CRNN: variants seen among roughly 807,000 people sequenced by gnomAD.
The protein encoded by CRNN is 53 kDa putative calcium-binding protein.
In CRNN, 39 loss-of-function variants were observed where a neutral mutation model predicts 44.7. The observed-to-expected ratio is 0.87, with a 90% CI of 0.68 to 1.14. The LOEUF (loss-of-function observed/expected upper bound fraction) is 1.14. Among genes scored for constraint, CRNN ranks in the 50% most tolerant of loss-of-function variants. The pLI, the probability that CRNN is intolerant of heterozygous loss-of-function variation, is 0.00. For synonymous variants in CRNN, 240 were observed against 231.8 expected (o/e 1.04, Z -0.32); for missense variants, 606 against 605.1 (o/e 1.00, Z -0.02).
At position 152,411,859 on chromosome 1, in the gene CRNN, G is replaced by T. The variant is rs565178625; in HGVS notation, c.138+237C>A. On this transcript the variant is annotated intron_variant, in intron 2 of 2. Transcript: ENST00000271835. ...TGTCCTTTTAGAGCCCTTTTACCTT[G>T]TCTTTAAGTTAGAATTAATTAAAAC... 2.0e-5 allele frequency among the ~76,000 whole-genome samples: 3 copies of T among 152,230 alleles called. No homozygotes were observed. In the East Asian group the frequency reaches 5.8e-4, roughly 29 times the overall value.
Position 152,409,646 on chromosome 1 carries a change from C to G in CRNN, c.1436G>C (p.Arg479Pro). 2 of 1,614,046 alleles carry G rather than the reference C, an allele frequency of 1.2e-6. No homozygotes were observed. Among genetic ancestry groups the G allele is most frequent in the South Asian group, 2.2e-5 (2 of 91,058 alleles). ...GQDAAQSEEK[R>P]GITARELYSY... ...ATACAGCTCTCTAGCTGTGATGCCTCGCTTCTCTTCTGACTGGGCTGCATC... is the reference window on the plus strand; with the variant it reads ...ATACAGCTCTCTAGCTGTGATGCCTGGCTTCTCTTCTGACTGGGCTGCATC... Residue 479 changes from arginine to proline, a missense_variant, in exon 3 of 3, where the codon CGA becomes CCA. Physicochemically the swap from Arg to Pro is moderately radical, Grantham distance 103 (BLOSUM62 -2). Coordinates refer to ENST00000271835, the MANE Select transcript of CRNN (RefSeq NM_016190.3).
At chr1:152,411,251 T>C (rs933765054) in intron 2 of CRNN, among the ~76,000 whole-genome samples, 1 of 152,226 alleles carries the variant, frequency 6.6e-6, no homozygotes, top group African/African-American at 2.4e-5. Flanking sequence ...GGCTCTCAAG[T>C]TGACTGTCTG....
rs1655722232 is a variant in CRNN, at chr1:152,410,516, G to T, written c.566C>A (p.Thr189Lys). Residue 189 changes from threonine to lysine, a missense_variant, in exon 3 of 3, where the codon ACA (threonine) becomes AAA (lysine). Coordinates refer to ENST00000271835, the MANE Select transcript of CRNN (RefSeq NM_016190.3). ...TTCTCCAGCTTTCTGGGTCTGCTCT[G>T]TCTGCCCAGAGAGTTGTATCTGCGG... ...ISPQIQLSGQ[T>K]EQTQKAGEGK... 1.2e-6 allele frequency: 2 copies of T among 1,614,004 alleles called. No individual in the cohort carries two copies. Among genetic ancestry groups the T allele is most frequent in the African/African-American group, 2.7e-5 (2 of 74,904 alleles).
rs1264005582 is a variant in CRNN, at chr1:152,409,310, A to G, written c.*284T>C. 13 of 427,304 alleles carry G rather than the reference A, an allele frequency of 3.0e-5. No homozygotes were observed. The highest frequency in any genetic ancestry group is 4.1e-6 in the Non-Finnish European group (1 of 242,804). 26.5% of individuals were successfully genotyped at this position (427,304 alleles called of 1,614,324 possible). A position where few individuals can be genotyped will look rare whatever the true frequency, so the allele number is the denominator to read the frequency against. On this transcript the variant is annotated 3_prime_UTR_variant, in exon 3 of 3. Transcript: ENST00000271835. ...CAATAGAGAGATGTCAGAGATAAAA[A>G]TAGTCCTGAAACCCCCCACAAGATG...
Position 152,410,896 on chromosome 1 carries a change from A to G in CRNN, c.186T>C (p.Asp62=), listed in dbSNP as rs114992787. The G allele has an allele frequency of 1.2e-6, 2 of 1,613,962 alleles. No individual in the cohort carries two copies. The highest frequency in any genetic ancestry group is 1.7e-5 in the Admixed American group (1 of 60,012). ...ATTCCACAGTCCCTGTGTGGTCTTCATCCAGCAGACGCAGGACCTCATCCA... is the reference window on the plus strand; with the variant it reads ...ATTCCACAGTCCCTGTGTGGTCTTCGTCCAGCAGACGCAGGACCTCATCCA... ...ATVDEVLRLL[D]EDHTGTVEFK... is the part of the protein sequence containing the mutation. Residue 62 remains aspartate (D), a synonymous_variant, in exon 3 of 3, where the codon GAT becomes GAC. Transcript: ENST00000271835.
rs761483852 is a variant in CRNN at position 152,410,834 on chromosome 1, T to C, written c.248A>G (p.Gln83Arg). The C allele has an allele frequency of 2.1e-5, 34 of 1,614,108 alleles. No individual in the cohort carries two copies. Among genetic ancestry groups the C allele is most frequent in the Admixed American group, 8.3e-5 (5 of 60,016 alleles). ...CTCGCTCAGTGTCTTGAAACAGGCCTGGGCAACTTTAAACACTAAGACCAG... is the reference window on the plus strand; with the variant it reads ...CTCGCTCAGTGTCTTGAAACAGGCCCGGGCAACTTTAAACACTAAGACCAG... ...EFLVLVFKVA[Q>R]ACFKTLSESA... Residue 83 changes from glutamine (Q) to arginine (R), a missense_variant, in exon 3 of 3, where the codon CAG becomes CGG. Gln to Arg is a conservative substitution (Grantham distance 43, BLOSUM62 1). Coordinates refer to ENST00000271835, the MANE Select transcript of CRNN (RefSeq NM_016190.3).
chr1:152,412,591 C>A (rs189135639), intron 1 of CRNN, among the ~76,000 whole-genome samples: 1 of 152,322 alleles, frequency 6.6e-6, no homozygotes, highest in Admixed American at 6.5e-5. Context: ...TCATAAAAAG[C>A]ACTTGGCAGA....
chr1:152,410,213 T>C lies in CRNN; in HGVS notation c.869A>G (p.Gln290Arg), dbSNP rs763924891. The C allele has an allele frequency of 6.2e-7, 1 of 1,613,410 alleles. No homozygotes were observed. Among genetic ancestry groups the C allele is most frequent in the South Asian group, 1.1e-5 (1 of 91,014 alleles). The change falls in exon 3 of 3, where the codon CAG becomes CGG. Residue 290 changes from glutamine (Q) to arginine (R), a missense_variant. Coordinates refer to ENST00000271835, the MANE Select transcript of CRNN (RefSeq NM_016190.3). ...QAVTGGHAQI[Q>R]AGTHTQTPTQ... ...GGGTGTCTGGGTGTGTGTCCCTGCC[T>C]GTATCTGAGCATGTCCTCCTGTCAC...
rs963899483 is a variant in CRNN at position 152,412,024 on chromosome 1, A to G, written c.138+72T>C. On this transcript the variant is annotated intron_variant, in intron 2 of 2. Transcript: ENST00000271835. ...TGCTGCCTCCTCAAATTCCCCAGGC[A>G]AGGCCTCTGCAGGCAAACCAGGTTT... 51 of 1,436,978 alleles carry G rather than the reference A, an allele frequency of 3.5e-5. 1 individual carries two copies. The Admixed American group carries it at 7.2e-4, about 20-fold the overall frequency. The allele number at this position is 1,436,978 out of a possible 1,614,324, so 89.0% of individuals were successfully genotyped here. A position where few individuals can be genotyped will look rare whatever the true frequency, so the allele number is the denominator to read the frequency against.
intron 2 of CRNN, among the ~76,000 whole-genome samples, 195 bp from the exon 3 acceptor site, chr1:152,411,138 T>G (rs1392099319): frequency 6.6e-6 from 1 of 152,184 alleles, no homozygotes; most frequent in African/African-American, 2.4e-5. Context: ...GAGCATTTTT[T>G]GTTTGGTAGC....
chr1:152,410,981 T>TGAG (rs1557915402), intron 2 of CRNN, 38 bp from the exon 3 acceptor site: 3 of 1,560,842 alleles, frequency 1.9e-6, no homozygotes, highest in Non-Finnish European at 2.6e-6. Flanking sequence ...ATCCCTCCCC[T>TGAG]GAGGAGGACA....
rs775046138 is a variant in CRNN, at chr1:152,410,791, G to A, written c.291C>T (p.Cys97=). The A allele has an allele frequency of 6.7e-5, 108 of 1,614,054 alleles. No homozygotes were observed. Among genetic ancestry groups the A allele is most frequent in the Non-Finnish European group, 8.6e-5 (102 of 1,180,034 alleles). ...KTLSESAEGA[C]GSQESGSLHS... is the part of the protein sequence containing the mutation. ...GGAGGCTTCCAGACTCTTGAGAGCC[G>A]CAGGCTCCCTCAGCACTCTCGCTCA... Residue 97 remains cysteine (C), a synonymous_variant, in exon 3 of 3, where the codon TGC becomes TGT. Coordinates refer to ENST00000271835, the MANE Select transcript of CRNN (RefSeq NM_016190.3).
rs1382257162 is a variant in CRNN at position 152,409,934 on chromosome 1, CT to C, written c.1147del (p.Ser383ValfsTer8). 1 of 1,614,084 alleles carries C rather than the reference CT, an allele frequency of 6.2e-7. No individual in the cohort carries two copies. Among genetic ancestry groups the C allele is most frequent in the Non-Finnish European group, 8.5e-7 (1 of 1,180,050 alleles). On this transcript the variant is annotated frameshift_variant, in exon 3 of 3. Transcript: ENST00000271835. LOFTEE classifies it high-confidence loss of function. ...EQGQTQTQPG[S>X]GQRWMQVSNP... Reference sequence around the variant, plus strand: ...GCTCACTTGCATCCATCTTTGACCACTGCCTGGCTGCGTCTGGGTCTGTCCC... The same window carrying C: ...GCTCACTTGCATCCATCTTTGACCACGCCTGGCTGCGTCTGGGTCTGTCCC...
At chr1:152,411,652 C>T (rs7554630) in intron 2 of CRNN, among the ~76,000 whole-genome samples, 1,840 of 152,266 alleles carry the variant, frequency 0.012, 52 homozygotes, top group African/African-American at 0.042. Context: ...GATCAGTCTG[C>T]TAATATTTTT....
In CRNN at chr1:152,410,873, T is replaced by G; in HGVS notation, c.209A>C (p.Glu70Ala). The change falls in exon 3 of 3, where the codon GAA (glutamate) becomes GCA (alanine). Residue 70 changes from glutamate to alanine, a missense_variant. Coordinates refer to ENST00000271835, the MANE Select transcript of CRNN (RefSeq NM_016190.3). ...CACTAAGACCAGGAATTCCTTGAAT[T>G]CCACAGTCCCTGTGTGGTCTTCATC... is the stretch of plus-strand genomic sequence containing the variant. The part of the protein sequence containing the change: ...LLDEDHTGTV[E>A]FKEFLVLVFK... The G allele has an allele frequency of 6.2e-7, 1 of 1,614,192 alleles. No homozygotes were observed. The highest frequency in any genetic ancestry group is 8.5e-7 in the Non-Finnish European group (1 of 1,180,022).
At chr1:152,411,236 G>A (rs1265443559) in intron 2 of CRNN, among the ~76,000 whole-genome samples, 1 of 152,218 alleles carries the variant, frequency 6.6e-6, no homozygotes, top group African/African-American at 2.4e-5. Flanking sequence ...CAATGCAACT[G>A]TTTGGGCTCT....
In CRNN at chr1:152,412,219, CAG is replaced by C. The variant is rs1341811457; in HGVS notation, c.13_14del (p.Leu5AlafsTer4). On this transcript the variant is annotated frameshift_variant, in exon 2 of 3. Transcript: ENST00000271835. LOFTEE classifies it high-confidence loss of function. ...CCTCGATGATCCCATTAATGTTTTG[CAG>C]TAACTGAGGCATCTTTGAAGTCAAC... Reference protein sequence around the residue: MPQLLQNINGIIEAF... With the variant: MPQLXQNINGIIEAF... 3 of 1,609,670 alleles carry C rather than the reference CAG, an allele frequency of 1.9e-6. No homozygotes were observed. Among genetic ancestry groups the C allele is most frequent in the Non-Finnish European group, 2.6e-6 (3 of 1,176,454 alleles).
chr1:152,409,771 C>G lies in CRNN; in HGVS notation c.1311G>C (p.Val437=), dbSNP rs1434483695. 2 of 1,614,226 alleles carry G rather than the reference C, an allele frequency of 1.2e-6. No individual in the cohort carries two copies. The highest frequency in any genetic ancestry group is 3.3e-5 in the Admixed American group (2 of 60,028). Residue 437 remains valine (V), a synonymous_variant, in exon 3 of 3, where the codon GTG becomes GTC. Coordinates refer to ENST00000271835, the MANE Select transcript of CRNN (RefSeq NM_016190.3). ...GGTCATCAACCCATTCCTCACCAACCACTGTGGGCTGTCTGTCTCCCTGCC... is the reference window on the plus strand; with the variant it reads ...GGTCATCAACCCATTCCTCACCAACGACTGTGGGCTGTCTGTCTCCCTGCC... ...TEGQGDRQPT[V]VGEEWVDDHS...
chr1:152,409,305 T>G lies in CRNN; in HGVS notation c.*289A>C. ...TGGGGCAATAGAGAGATGTCAGAGA[T>G]AAAAATAGTCCTGAAACCCCCCACA... is the stretch of plus-strand genomic sequence containing the variant. On this transcript the variant is annotated 3_prime_UTR_variant, in exon 3 of 3. Coordinates refer to ENST00000271835, the MANE Select transcript of CRNN (RefSeq NM_016190.3). The G allele has an allele frequency of 2.5e-6, 1 of 405,364 alleles. No individual in the cohort carries two copies. The highest frequency in any genetic ancestry group is 4.4e-6 in the Non-Finnish European group (1 of 228,634). The allele number at this position is 405,364 out of a possible 1,614,324, so 25.1% of individuals were successfully genotyped here.
Sources: gnomAD v4.1 joint callset for allele counts (sites outside exome capture counted in the v4.1 genomes callset) on GRCh38, gnomAD v4.1.1 for gene constraint, MANE v1.5 for transcripts, NCBI Gene and HGNC (gene_info 2026-07-23, HGNC 2026-07-21) for gene names.